FGF12: variants seen among roughly 807,000 people sequenced by gnomAD.
The protein encoded by FGF12 is fibroblast growth factor 12B.
FGF12 carries 14 observed loss-of-function variants against 23.6 expected under a neutral mutation model. That is an observed-to-expected ratio of 0.59 (90% CI 0.39 to 0.93). The LOEUF (loss-of-function observed/expected upper bound fraction) is 0.93, where lower values mean the gene tolerates loss of function less well. Among genes scored for constraint, FGF12 ranks in the 40% least tolerant of loss-of-function variants. The pLI, the probability that FGF12 is intolerant of heterozygous loss-of-function variation, is 0.00. For missense variants in FGF12, 175 were observed against 217.8 expected (o/e 0.80, Z 1.24); for synonymous variants, 62 against 77.3 (o/e 0.80, Z 1.04).
At chr3:192,545,258 T>C (rs1208984519) in intron 2 of FGF12, among the ~76,000 whole-genome samples, 6 of 152,224 alleles carry the variant, frequency 3.9e-5, no homozygotes, top group Admixed American at 2.0e-4. Flanking sequence ...TAAGCCTTAA[T>C]TATCAAGACA....
intron 2 of FGF12, among the ~76,000 whole-genome samples, chr3:192,401,378 G>A (rs1692199202): frequency 6.6e-6 from 1 of 152,192 alleles, no homozygotes; most frequent in Admixed American, 6.5e-5. Context: ...CACAGTCTCT[G>A]GAAAATTCCA....
At chr3:192,651,129 C>T (rs1716200720) in intron 2 of FGF12, among the ~76,000 whole-genome samples, 1 of 152,162 alleles carries the variant, frequency 6.6e-6, no homozygotes, top group Non-Finnish European at 1.5e-5. Flanking sequence ...ATTTCCAAAA[C>T]ACACAAAACA....
chr3:192,661,918 G>C lies in FGF12; in HGVS notation c.13+65263C>G, dbSNP rs567868019. On this transcript the variant is annotated intron_variant, in intron 2 of 5. Coordinates refer to ENST00000445105, the MANE Select transcript of FGF12 (RefSeq NM_004113.6). ...TACTACTTAAAAGCTGCATAAATATGGGCAAGTTACAATATCACGCTTGCC... is the reference window on the plus strand; with the variant it reads ...TACTACTTAAAAGCTGCATAAATATCGGCAAGTTACAATATCACGCTTGCC... 4.6e-5 allele frequency among the ~76,000 whole-genome samples: 7 copies of C among 152,218 alleles called. No individual in the cohort carries two copies. In the South Asian group the frequency reaches 1.5e-3, roughly 32 times the overall value.
At chr3:192,396,801 GC>G (rs1356862413) in intron 2 of FGF12, among the ~76,000 whole-genome samples, 1 of 152,200 alleles carries the variant, frequency 6.6e-6, no homozygotes, top group Non-Finnish European at 1.5e-5. Context: ...CTGCTCTTCA[GC>G]CCTAACAGGT....
chr3:192,391,671 T>G (rs1720298378), intron 2 of FGF12, among the ~76,000 whole-genome samples: 1 of 152,188 alleles, frequency 6.6e-6, no homozygotes, highest in Non-Finnish European at 1.5e-5. Flanking sequence ...GAAATACAGT[T>G]TCATAATAGG....
chr3:192,437,030 G>A (rs1449840774), intron 2 of FGF12, among the ~76,000 whole-genome samples: 1 of 152,202 alleles, frequency 6.6e-6, no homozygotes, highest in Non-Finnish European at 1.5e-5. Flanking sequence ...AAGGACGAGA[G>A]TGATATAGTC....
chr3:192,487,338 C>A (rs1007336910), intron 2 of FGF12, among the ~76,000 whole-genome samples: 5 of 151,996 alleles, frequency 3.3e-5, no homozygotes, highest in Admixed American at 3.3e-4. Context: ...TCTTTTTTTT[C>A]TAAACCTGAT....
intron 2 of FGF12, among the ~76,000 whole-genome samples, chr3:192,485,864 C>T (rs1723618505): frequency 6.6e-6 from 1 of 151,946 alleles, no homozygotes. Context: ...ATTAATATTG[C>T]TAATTTAGAT....
rs569312456 is a variant in FGF12, at chr3:192,529,357, A to G, written c.14-168819T>C. On this transcript the variant is annotated intron_variant, in intron 2 of 5. Coordinates refer to ENST00000445105, the MANE Select transcript of FGF12 (RefSeq NM_004113.6). ...AGTTTCTCACAATTTCCTCATCTCCATCTGAGACCACCTCAGCCTGGATTT... is the reference window on the plus strand; with the variant it reads ...AGTTTCTCACAATTTCCTCATCTCCGTCTGAGACCACCTCAGCCTGGATTT... Among the ~76,000 whole-genome samples, 12 of 152,286 alleles carry G rather than the reference A, an allele frequency of 7.9e-5. No individual in the cohort carries two copies. The East Asian group carries it at 1.7e-3, about 22-fold the overall frequency.
chr3:192,607,761 C>T (rs370480972), intron 2 of FGF12, among the ~76,000 whole-genome samples: 12 of 148,746 alleles, frequency 8.1e-5, no homozygotes, highest in African/African-American at 3.0e-4. Context: ...ATAAAAAGTT[C>T]GTTGGTGGAA....
intron 2 of FGF12, among the ~76,000 whole-genome samples, chr3:192,526,291 T>A (rs963607225): frequency 1.3e-5 from 2 of 152,186 alleles, no homozygotes; most frequent in Admixed American, 1.3e-4. Flanking sequence ...CACACAATAG[T>A]CTCTGATTTC....
At chr3:192,673,403 T>C (rs1272366839) in intron 2 of FGF12, 1 of 151,206 alleles carries the variant, frequency 6.6e-6, no homozygotes, top group Non-Finnish European at 1.5e-5. Context: ...TTATTTTAGG[T>C]TCTGGGATAC....
chr3:192,158,259 A>G (rs1577184099), intron 5 of FGF12, among the ~76,000 whole-genome samples: 1 of 151,616 alleles, frequency 6.6e-6, no homozygotes, highest in Non-Finnish European at 1.5e-5. Flanking sequence ...AGCTTCCAAT[A>G]CCACCTTAGC....
chr3:192,381,756 G>A (rs528853450), intron 2 of FGF12, among the ~76,000 whole-genome samples: 1 of 152,114 alleles, frequency 6.6e-6, no homozygotes, highest in Non-Finnish European at 1.5e-5. Flanking sequence ...TAAAAGAAAA[G>A]GTTCAAAGTC....
intron 2 of FGF12, among the ~76,000 whole-genome samples, chr3:192,720,144 G>C (rs6805656): frequency 1.3e-5 from 2 of 152,194 alleles, no homozygotes; most frequent in African/African-American, 4.8e-5. Context: ...CAGGCTAATG[G>C]CCAATCCACA....
rs567506263 is a variant in FGF12, at chr3:192,724,923, G to A, written c.13+2258C>T. Among the ~76,000 whole-genome samples, 435 of 152,234 alleles carry A rather than the reference G, an allele frequency of 2.9e-3. 2 individuals carry two copies. Among genetic ancestry groups the A allele is most frequent in the African/African-American group, 8.8e-3 (365 of 41,540 alleles). The stretch of plus-strand genomic sequence containing the variant: ...ACTCTTGAACCCTCAACTGAGTCAC[G>A]CAATATGACTCTATCTTTAAAGAGT... On this transcript the variant is annotated intron_variant, in intron 2 of 5. Coordinates refer to ENST00000445105, the MANE Select transcript of FGF12 (RefSeq NM_004113.6).
At chr3:192,421,229 A>G (rs1265287457) in intron 2 of FGF12, among the ~76,000 whole-genome samples, 1 of 152,206 alleles carries the variant, frequency 6.6e-6, no homozygotes, top group Non-Finnish European at 1.5e-5. Context: ...ACCTCTGTAC[A>G]TCAATTTACT....
At chr3:192,520,746 C>A (rs1438777746) in intron 2 of FGF12, among the ~76,000 whole-genome samples, 1 of 152,162 alleles carries the variant, frequency 6.6e-6, no homozygotes, top group Non-Finnish European at 1.5e-5. Flanking sequence ...CATTATCCCT[C>A]CTGGCCAGTT....
intron 4 of FGF12, among the ~76,000 whole-genome samples, chr3:192,199,597 C>A (rs531856316): frequency 6.6e-6 from 1 of 152,244 alleles, no homozygotes; most frequent in Non-Finnish European, 1.5e-5. Flanking sequence ...GTTTGAGAGC[C>A]AGTGCATGAA....
Sources: allele counts gnomAD v4.1 joint callset (sites outside exome capture counted in the v4.1 genomes callset), GRCh38; gene constraint gnomAD v4.1.1; transcripts MANE v1.5; gene names NCBI Gene and HGNC (gene_info 2026-07-23, HGNC 2026-07-21).